Variants in ESCO1 observed in about 807,000 individuals in gnomAD.
The protein encoded by ESCO1 is establishment of sister chromatid cohesion N-acetyltransferase 1, also known as N-acetyltransferase ESCO1.
A neutral mutation model predicts 83.5 loss-of-function variants in ESCO1; 33 were observed. That is an observed-to-expected ratio of 0.40 (90% CI 0.30 to 0.53). The LOEUF (loss-of-function observed/expected upper bound fraction) is 0.53, where lower values mean the gene tolerates loss of function less well. ESCO1 is among the 20% of genes least tolerant of loss of function. ESCO1 has a pLI of 0.63. For missense variants in ESCO1, 855 were observed against 968.0 expected (o/e 0.88, Z 1.55); for synonymous variants, 332 against 324.3 (o/e 1.02, Z -0.25).
intron 9 of ESCO1, among the ~76,000 whole-genome samples, chr18:21,538,110 T>C (rs1466742253): frequency 6.6e-6 from 1 of 151,968 alleles, no homozygotes; most frequent in Admixed American, 6.6e-5. Flanking sequence ...ATCAATAAGG[T>C]TACCAGTCAA....
At chr18:21,558,647 A>G (rs1490955937) in intron 8 of ESCO1, among the ~76,000 whole-genome samples, 1 of 151,090 alleles carries the variant, frequency 6.6e-6, no homozygotes, top group Non-Finnish European at 1.5e-5. Flanking sequence ...GAACTGCTTG[A>G]ACCCAGGAGG....
rs980306065 is a variant in ESCO1 at position 21,568,014 on chromosome 18, T to C, written c.1611A>G (p.Gln537=). The change falls in exon 5 of 12, where the codon CAA becomes CAG. Residue 537 remains glutamine (Q), a synonymous_variant. Transcript: ENST00000269214. The part of the protein sequence containing the change: ...NVTAASTLLS[Q]AKIDTGENKF... ...TATTCTCTCCTGTATCAATTTTTGC[T>C]TGACTGAGCAGAGTCGAAGCAGCAG... 4 of 1,613,634 alleles carry C rather than the reference T, an allele frequency of 2.5e-6. No individual in the cohort carries two copies. The African/African-American group carries it at 5.3e-5, about 22-fold the overall frequency.
rs1158794414 is a variant in ESCO1 at position 21,574,898 on chromosome 18, G to T, written c.-55C>A. On this transcript the variant is annotated 5_prime_UTR_variant, in exon 4 of 12. Transcript: ENST00000269214. ...GTTTTGAAGAGGATTTTTGTGTCCT[G>T]GTAGGCGTGAATGCTGACTAGCTAG... 7.1e-6 allele frequency: 10 copies of T among 1,399,980 alleles called. No individual in the cohort carries two copies. Among genetic ancestry groups the T allele is most frequent in the Non-Finnish European group, 9.5e-6 (10 of 1,048,778 alleles). 86.7% of individuals were successfully genotyped at this position (1,399,980 alleles called of 1,614,324 possible).
intron 2 of ESCO1, 25 bp downstream of exon 2, chr18:21,584,285 A>T (rs2038543160): frequency 6.6e-6 from 1 of 152,204 alleles, no homozygotes; most frequent in African/African-American, 2.4e-5. Flanking sequence ...GAAGATACTA[A>T]ATCATAAAAT....
rs1306771357 is a variant in ESCO1 at position 21,575,712 on chromosome 18, A to G, written c.-628T>C. The G allele has an allele frequency of 1.8e-5, 7 of 398,314 alleles. No homozygotes were observed. Among genetic ancestry groups the G allele is most frequent in the Admixed American group, 4.4e-5 (1 of 22,714 alleles). The allele number at this position is 398,314 out of a possible 1,614,324, so 24.7% of individuals were successfully genotyped here. On this transcript the variant is annotated 5_prime_UTR_variant, in exon 3 of 12. The change abolishes an upstream ATG in the 5' untranslated region. Coordinates refer to ENST00000269214, the MANE Select transcript of ESCO1 (RefSeq NM_052911.3). Reference sequence around the variant, plus strand: ...ATATAGACTCGATGTCTCAGCCACCATAACTCATGAAGAAAATTAGACAAA... The same window carrying G: ...ATATAGACTCGATGTCTCAGCCACCGTAACTCATGAAGAAAATTAGACAAA...
In ESCO1 at chr18:21,575,013, G is replaced by C; in HGVS notation, c.-170C>G. 1 of 515,938 alleles carries C rather than the reference G, an allele frequency of 1.9e-6. No individual in the cohort carries two copies. Among genetic ancestry groups the C allele is most frequent in the Non-Finnish European group, 3.3e-6 (1 of 300,872 alleles). The allele number at this position is 515,938 out of a possible 1,614,324, so 32.0% of individuals were successfully genotyped here. The stretch of plus-strand genomic sequence containing the variant: ...AAAATACTAGTTTGCTTCAAGTAAG[G>C]TTTCTGTCATTCCTAGAACATGAGA... On this transcript the variant is annotated 5_prime_UTR_variant, in exon 4 of 12. Coordinates refer to ENST00000269214, the MANE Select transcript of ESCO1 (RefSeq NM_052911.3).
intron 1 of ESCO1, among the ~76,000 whole-genome samples, chr18:21,594,095 C>A (rs1205972068): frequency 6.6e-6 from 1 of 152,184 alleles, no homozygotes. Context: ...GCAACCCTTC[C>A]CCTAGTCCTC....
chr18:21,576,683 T>C (rs1440316535), intron 2 of ESCO1, among the ~76,000 whole-genome samples: 1 of 152,134 alleles, frequency 6.6e-6, no homozygotes, highest in East Asian at 1.9e-4. Flanking sequence ...AGAAGATCTA[T>C]TTATACCCGA....
rs745663374 is a variant in ESCO1 at position 21,573,997 on chromosome 18, A to C, written c.847T>G (p.Ser283Ala). Residue 283 changes from serine to alanine, a missense_variant, in exon 4 of 12, where the codon TCA (serine) becomes GCA (alanine). By Grantham distance (99) the Ser-to-Ala change is moderately conservative (BLOSUM62 1). Transcript: ENST00000269214. ...NTTLPKSPQP[S>A]VPEQSDNELE... ...TCATTATCACTTTGTTCAGGCACTG[A>C]TGGCTGTGGACTTTTTGGGAGTGTT... The C allele has an allele frequency of 3.7e-6, 6 of 1,613,702 alleles. No homozygotes were observed. In the East Asian group the frequency reaches 1.3e-4, roughly 36 times the overall value.
intron 4 of ESCO1, among the ~76,000 whole-genome samples, chr18:21,570,893 C>T (rs1376849996): frequency 1.3e-5 from 2 of 151,514 alleles, no homozygotes; most frequent in African/African-American, 4.8e-5. Flanking sequence ...AGGAGAATGG[C>T]GTGAACCCAG....
At chr18:21,537,890 T>C (rs1228299616) in intron 9 of ESCO1, among the ~76,000 whole-genome samples, 2 of 152,158 alleles carry the variant, frequency 1.3e-5, no homozygotes, top group Non-Finnish European at 2.9e-5. Flanking sequence ...AAGTTTGAAC[T>C]GTGTGGGTCC....
intron 7 of ESCO1, among the ~76,000 whole-genome samples, chr18:21,561,724 C>T (rs1339221142): frequency 1.3e-5 from 2 of 149,774 alleles, no homozygotes; most frequent in African/African-American, 4.9e-5. Flanking sequence ...CACCACGCCT[C>T]GCCACCTGGC....
intron 8 of ESCO1, among the ~76,000 whole-genome samples, chr18:21,554,444 C>A (rs1029641419): frequency 5.3e-5 from 8 of 152,092 alleles, no homozygotes; most frequent in African/African-American, 1.9e-4. Flanking sequence ...TCACACAGCG[C>A]TAAAAAGAAA....
At chr18:21,577,526 G>A (rs2038436195) in intron 2 of ESCO1, among the ~76,000 whole-genome samples, 1 of 151,738 alleles carries the variant, frequency 6.6e-6, no homozygotes, top group Non-Finnish European at 1.5e-5. Context: ...TGGGTGTGGT[G>A]GCAGGTGCCT....
intron 1 of ESCO1, among the ~76,000 whole-genome samples, chr18:21,587,030 T>C (rs1269428062): frequency 6.6e-6 from 1 of 152,190 alleles, no homozygotes; most frequent in Non-Finnish European, 1.5e-5. Flanking sequence ...TCTATCAACA[T>C]GGTGTGTCAT....
intron 8 of ESCO1, among the ~76,000 whole-genome samples, chr18:21,560,529 T>A (rs1309597218): frequency 6.6e-6 from 1 of 152,050 alleles, no homozygotes; most frequent in Admixed American, 6.6e-5. Flanking sequence ...AATAGATTTA[T>A]CAATAGTAAA....
intron 2 of ESCO1, among the ~76,000 whole-genome samples, chr18:21,577,220 G>A (rs1200197279): frequency 4.6e-5 from 7 of 151,612 alleles, no homozygotes; most frequent in Non-Finnish European, 1.0e-4. Flanking sequence ...AGCTGGGCAT[G>A]GTGGTGCATG....
chr18:21,539,051 C>T (rs185783219), intron 9 of ESCO1, among the ~76,000 whole-genome samples: 40 of 151,976 alleles, frequency 2.6e-4, no homozygotes, highest in South Asian at 1.2e-3. Flanking sequence ...CTAAGTTAGA[C>T]TAACACCTGC....
intron 8 of ESCO1, among the ~76,000 whole-genome samples, chr18:21,542,909 C>A (rs1057092980): frequency 6.6e-6 from 1 of 151,976 alleles, no homozygotes; most frequent in African/African-American, 2.4e-5. Flanking sequence ...AGAGTGCATG[C>A]AATTTAGAAG....
Sources: gnomAD v4.1 joint callset for allele counts (sites outside exome capture counted in the v4.1 genomes callset) on GRCh38, gnomAD v4.1.1 for gene constraint, MANE v1.5 for transcripts, NCBI Gene and HGNC (gene_info 2026-07-23, HGNC 2026-07-21) for gene names.